Variants in PDGFD observed in about 807,000 individuals in gnomAD.
PDGFD encodes platelet-derived growth factor D.
Under a neutral mutation model 44.7 loss-of-function variants are expected in PDGFD, and 30 were observed. The ratio of observed to expected loss-of-function variants is 0.67; its 90% CI spans 0.50 to 0.91. PDGFD has a LOEUF of 0.91. Ranked by LOEUF, PDGFD falls within the 40% of genes least tolerant of loss-of-function variation. PDGFD has a pLI of 0.00. For synonymous variants in PDGFD, 173 were observed against 168.4 expected, an observed-to-expected ratio of 1.03 and a Z score of -0.21; for missense variants, 445 against 457.8, an observed-to-expected ratio of 0.97 and a Z score of 0.25.
At chr11:103,966,257 T>A (rs1190716944) in intron 3 of PDGFD, among the ~76,000 whole-genome samples, 1 of 152,204 alleles carries the variant, frequency 6.6e-6, no homozygotes, top group East Asian at 1.9e-4. Context: ...CAGTGTCAGA[T>A]AATGCTGGGT....
chr11:103,991,275 G>A (rs1859447800), intron 3 of PDGFD, among the ~76,000 whole-genome samples: 1 of 152,024 alleles, frequency 6.6e-6, no homozygotes, highest in Non-Finnish European at 1.5e-5. Context: ...TATTATAATT[G>A]ATAATCTTAT....
intron 1 of PDGFD, among the ~76,000 whole-genome samples, chr11:104,093,684 A>T (rs1267127497): frequency 2.0e-5 from 3 of 151,890 alleles, no homozygotes; most frequent in Non-Finnish European, 4.4e-5. Context: ...CTTTACTGAG[A>T]AAACAGAATC....
At chr11:103,939,690 T>A (rs1043186738) in intron 5 of PDGFD, among the ~76,000 whole-genome samples, 3 of 152,108 alleles carry the variant, frequency 2.0e-5, no homozygotes, top group Non-Finnish European at 4.4e-5. Context: ...TTCACTTAAT[T>A]TTATGCACAC....
At chr11:103,980,668 C>T (rs2134351139) in intron 3 of PDGFD, among the ~76,000 whole-genome samples, 1 of 152,082 alleles carries the variant, frequency 6.6e-6, no homozygotes, top group African/African-American at 2.4e-5. Context: ...ATTTGTGTCC[C>T]CCCCAAAATT....
intron 1 of PDGFD, among the ~76,000 whole-genome samples, chr11:104,013,842 C>A (rs898726950): frequency 2.0e-5 from 3 of 151,578 alleles, no homozygotes; most frequent in Non-Finnish European, 2.9e-5. Context: ...AGAAATGTAT[C>A]TCCAAGCAGA....
At chr11:103,936,811 T>TTTTG (rs890164682) in intron 5 of PDGFD, among the ~76,000 whole-genome samples, 1 of 148,542 alleles carries the variant, frequency 6.7e-6, no homozygotes, top group East Asian at 2.0e-4. Flanking sequence ...AATACTGTTT[T>TTTTG]TTTGTTTGTT....
intron 3 of PDGFD, among the ~76,000 whole-genome samples, chr11:103,958,797 A>G (rs1858893629): frequency 6.6e-6 from 1 of 152,178 alleles, no homozygotes; most frequent in South Asian, 2.1e-4. Flanking sequence ...GCCAAAAGCT[A>G]GTTACATTAT....
chr11:104,152,098 CACTGCATGTAGTCTCTGCTTA>C (rs1325422880), intron 1 of PDGFD, among the ~76,000 whole-genome samples: 2 of 152,168 alleles, frequency 1.3e-5, no homozygotes, highest in Non-Finnish European at 2.9e-5. Context: ...TCATCCAGAG[CACTGCATGTAGTCTCTGCTTA>C]ACAAGTGGTT....
chr11:104,020,058 A>C (rs1434860767), intron 1 of PDGFD, among the ~76,000 whole-genome samples: 2 of 152,184 alleles, frequency 1.3e-5, no homozygotes, highest in Non-Finnish European at 2.9e-5. Flanking sequence ...AACACCAATG[A>C]GTAAATAAAC....
At chr11:103,987,240 G>A (rs1052532438) in intron 3 of PDGFD, among the ~76,000 whole-genome samples, 1 of 152,104 alleles carries the variant, frequency 6.6e-6, no homozygotes, top group African/African-American at 2.4e-5. Context: ...CAAAGCAGCG[G>A]GTAAGGTGAA....
At chr11:104,089,915 G>C (rs959969343) in intron 1 of PDGFD, among the ~76,000 whole-genome samples, 1 of 152,076 alleles carries the variant, frequency 6.6e-6, no homozygotes, top group African/African-American at 2.4e-5. Context: ...TTGCTCCCTA[G>C]ATAAAGAGAT....
chr11:104,142,459 T>C (rs866820943), intron 1 of PDGFD, among the ~76,000 whole-genome samples: 9 of 152,182 alleles, frequency 5.9e-5, no homozygotes, highest in African/African-American at 1.9e-4. Flanking sequence ...ATATATAGTA[T>C]ATGTACACAT....
intron 1 of PDGFD, among the ~76,000 whole-genome samples, chr11:104,077,480 A>G (rs562937173): frequency 6.6e-6 from 1 of 152,322 alleles, no homozygotes; most frequent in South Asian, 2.1e-4. Context: ...AAGTGGGGAC[A>G]GGGAGAGGTA....
intron 1 of PDGFD, among the ~76,000 whole-genome samples, chr11:104,147,745 A>G (rs377720375): frequency 5.3e-5 from 8 of 152,330 alleles, no homozygotes; most frequent in African/African-American, 1.9e-4. Flanking sequence ...CAGATTATAC[A>G]AAATAATACA....
At chr11:104,087,665 T>C (rs1212442785) in intron 1 of PDGFD, among the ~76,000 whole-genome samples, 1 of 152,234 alleles carries the variant, frequency 6.6e-6, no homozygotes, top group African/African-American at 2.4e-5. Flanking sequence ...TACATTTCCC[T>C]AAACAACTAT....
At chr11:104,129,297 G>A (rs1462560564) in intron 1 of PDGFD, among the ~76,000 whole-genome samples, 1 of 151,536 alleles carries the variant, frequency 6.6e-6, no homozygotes, top group Non-Finnish European at 1.5e-5. Flanking sequence ...CAGCTATTTA[G>A]GCACCCTGGA....
chr11:103,943,395 TTGTAC>T, intron 5 of PDGFD, 52 bp downstream of exon 5: 1 of 1,508,850 alleles, frequency 6.6e-7, no homozygotes. Context: ...GATACTCAGC[TTGTAC>T]TGTTAAGATT....
intron 1 of PDGFD, among the ~76,000 whole-genome samples, chr11:104,110,001 A>G (rs1249741409): frequency 6.6e-6 from 1 of 152,112 alleles, no homozygotes; most frequent in African/African-American, 2.4e-5. Context: ...TGAGCTAACC[A>G]TATTGAATGC....
At chr11:103,979,748 A>T (rs1374239138) in intron 3 of PDGFD, among the ~76,000 whole-genome samples, 1 of 152,110 alleles carries the variant, frequency 6.6e-6, no homozygotes, top group African/African-American at 2.4e-5. Flanking sequence ...CACAAAACAT[A>T]AGATCTGCTT....
Sources: gnomAD v4.1 joint callset for allele counts (sites outside exome capture counted in the v4.1 genomes callset) on GRCh38, gnomAD v4.1.1 for gene constraint, MANE v1.5 for transcripts, NCBI Gene and HGNC (gene_info 2026-07-23, HGNC 2026-07-21) for gene names.